Variants in USP9Y observed in about 807,000 individuals in gnomAD.
USP9Y encodes the protein ubiquitin carboxyl-terminal hydrolase 9Y.
Under a neutral mutation model 53.1 loss-of-function variants are expected in USP9Y, and 41 were observed. The ratio of observed to expected loss-of-function variants is 0.77; its 90% CI spans 0.60 to 1.00. USP9Y has a LOEUF of 1.00. USP9Y is among the 50% of genes least tolerant of loss of function. USP9Y has a pLI of 0.00. For synonymous variants in USP9Y, 220 were observed against 173.7 expected (o/e 1.27, Z -2.09); for missense variants, 567 against 535.8 (o/e 1.06, Z -0.58).
chrY:12,731,716 A>C, intron 7 of USP9Y, among the ~76,000 whole-genome samples: 1 of 33,003 alleles, frequency 3.0e-5, no homozygotes, highest in Non-Finnish European at 7.4e-5. Context: ...TTGTATTTCA[A>C]CTTGCACGCC....
At chrY:12,835,782 T>C (rs2053554978) in intron 34 of USP9Y, among the ~76,000 whole-genome samples, 1 of 33,412 alleles carries the variant, frequency 3.0e-5, no homozygotes, top group Admixed American at 2.8e-4. Context: ...ACCACTATGC[T>C]CTAGACTGTG....
At chrY:12,708,315 AT>A (rs2053421235) in intron 1 of USP9Y, among the ~76,000 whole-genome samples, 3 of 33,045 alleles carry the variant, frequency 9.1e-5, no homozygotes, top group Non-Finnish European at 2.2e-4. Flanking sequence ...TAACCAGTAA[AT>A]TTCTGTGTCC....
chrY:12,854,559 C>T (rs374838268), intron 42 of USP9Y, among the ~76,000 whole-genome samples: 4 of 33,175 alleles, frequency 1.2e-4, no homozygotes, highest in South Asian at 6.8e-4. Flanking sequence ...CATGCCACCA[C>T]GCCCAGCTAA....
chrY:12,731,975 T>C, intron 7 of USP9Y, among the ~76,000 whole-genome samples: 1 of 32,982 alleles, frequency 3.0e-5, no homozygotes, highest in Admixed American at 2.8e-4. Flanking sequence ...TTCTTTCTTT[T>C]TATAACGTTT....
chrY:12,852,766 T>G, intron 42 of USP9Y, among the ~76,000 whole-genome samples: 1 of 33,632 alleles, frequency 3.0e-5, no homozygotes. Flanking sequence ...CTTCTAACAG[T>G]CAGGTCCCTC....
intron 22 of USP9Y, among the ~76,000 whole-genome samples, chrY:12,781,488 C>A (rs2053498444): frequency 3.0e-5 from 1 of 33,128 alleles, no homozygotes; most frequent in Non-Finnish European, 7.5e-5. Flanking sequence ...TATTGACTCT[C>A]CTTTCTGGAT....
At chrY:12,789,662 T>C in intron 24 of USP9Y, among the ~76,000 whole-genome samples, 1 of 33,606 alleles carries the variant, frequency 3.0e-5, no homozygotes, top group African/African-American at 1.2e-4. Context: ...AAAACTTTAC[T>C]GTGTAAATAA....
intron 6 of USP9Y, 98 bp from the exon 7 acceptor site, chrY:12,726,477 G>A: frequency 4.9e-6 from 1 of 204,501 alleles, no homozygotes; most frequent in Non-Finnish European, 8.7e-6. Context: ...GATGACCAGT[G>A]CAGAAAAATG....
At chrY:12,831,364 T>C (rs111704731) in intron 33 of USP9Y, among the ~76,000 whole-genome samples, 278 of 33,454 alleles carry the variant, frequency 8.3e-3, no homozygotes, top group African/African-American at 0.03. Context: ...AAAATAGTAA[T>C]TGCTGGTGAG....
Position 12,845,121 on chromosome Y carries a change from G to A in USP9Y, c.6569-1212G>A, listed in dbSNP as rs773360802. Among the ~76,000 whole-genome samples, 19 of 33,201 alleles carry A rather than the reference G, an allele frequency of 5.7e-4. No individual in the cohort carries two copies. In the South Asian group the frequency reaches 0.012, roughly 22 times the overall value. 89.1% of individuals were successfully genotyped at this position (33,201 alleles called of 37,273 possible). On this transcript the variant is annotated intron_variant, in intron 39 of 45. Coordinates refer to ENST00000338981, the MANE Select transcript of USP9Y (RefSeq NM_004654.4). ...AAAGTGTTCTGGACATTATCAGGAGGGCATGAATGGACCACTAGAGGATCA... is the reference window on the plus strand; with the variant it reads ...AAAGTGTTCTGGACATTATCAGGAGAGCATGAATGGACCACTAGAGGATCA...
intron 16 of USP9Y, among the ~76,000 whole-genome samples, chrY:12,773,015 C>A (rs745574663): frequency 3.0e-5 from 1 of 32,993 alleles, no homozygotes; most frequent in South Asian, 6.7e-4. Context: ...GCAGACTAAT[C>A]ATTGTTTTAT....
intron 34 of USP9Y, among the ~76,000 whole-genome samples, chrY:12,836,571 A>T: frequency 2.9e-5 from 1 of 33,966 alleles, no homozygotes; most frequent in East Asian, 7.7e-4. Flanking sequence ...TACAGTGCCC[A>T]GTACAAAATA....
chrY:12,707,317 A>G, intron 1 of USP9Y, among the ~76,000 whole-genome samples: 1 of 33,331 alleles, frequency 3.0e-5, no homozygotes. Flanking sequence ...GGGTTTCTCC[A>G]TGTTGGTCAG....
At chrY:12,775,934 C>A (rs2053492116) in intron 18 of USP9Y, among the ~76,000 whole-genome samples, 1 of 31,545 alleles carries the variant, frequency 3.2e-5, no homozygotes, top group African/African-American at 1.2e-4. Flanking sequence ...CCTGGAACTC[C>A]CAGGCTCAAG....
chrY:12,702,486 C>A, intron 1 of USP9Y, among the ~76,000 whole-genome samples: 1 of 33,511 alleles, frequency 3.0e-5, no homozygotes, highest in African/African-American at 1.2e-4. Flanking sequence ...CAAGCCTTGG[C>A]TATCAAGCTA....
At chrY:12,805,629 G>A in intron 27 of USP9Y, among the ~76,000 whole-genome samples, 2 of 33,543 alleles carry the variant, frequency 6.0e-5, no homozygotes, top group Non-Finnish European at 1.5e-4. Flanking sequence ...AGTGGTAGTT[G>A]ATGGAGCGTA....
chrY:12,733,388 A>G (rs2053448982), intron 7 of USP9Y, among the ~76,000 whole-genome samples: 1 of 26,698 alleles, frequency 3.7e-5, no homozygotes. Context: ...CTGGAGTGCA[A>G]TGGCACCATG....
Position 12,720,630 on chromosome Y carries a change from T to C in USP9Y, c.138T>C (p.Thr46=), listed in dbSNP as rs2053434862. 2.5e-6 allele frequency: 1 copy of C among 395,261 alleles called. No individual in the cohort carries two copies. Among genetic ancestry groups the C allele is most frequent in the African/African-American group, 6.5e-5 (1 of 15,479 alleles). The change falls in exon 4 of 46, where the codon ACT becomes ACC. Residue 46 remains threonine, a synonymous_variant. Coordinates refer to ENST00000338981, the MANE Select transcript of USP9Y (RefSeq NM_004654.4). The part of the protein sequence containing the change: ...PDSSNENSVA[T]PPPEEQGQGD... The stretch of plus-strand genomic sequence containing the variant: ...CTTCCAATGAGAATTCCGTAGCAAC[T>C]CCTCCTCCAGAGGAACAAGGGCAAG...
intron 30 of USP9Y, 151 bp downstream of exon 30, chrY:12,811,932 G>T: frequency 7.1e-6 from 1 of 140,948 alleles, no homozygotes. Context: ...TGGGATTACA[G>T]GCATGTGTCA....
Sources: allele counts gnomAD v4.1 joint callset (sites outside exome capture counted in the v4.1 genomes callset), GRCh38; gene constraint gnomAD v4.1.1; transcripts MANE v1.5; gene names NCBI Gene and HGNC (gene_info 2026-07-23, HGNC 2026-07-21).